RTN2: variants seen among roughly 807,000 people sequenced by gnomAD.
RTN2 encodes reticulon 2.
Under a neutral mutation model 63.7 loss-of-function variants are expected in RTN2, and 36 were observed. The observed-to-expected ratio is 0.56, with a 90% CI of 0.43 to 0.75. The LOEUF (loss-of-function observed/expected upper bound fraction) is 0.75, where lower values mean the gene tolerates loss of function less well. Ranked by LOEUF, RTN2 falls within the 30% of genes least tolerant of loss-of-function variation. RTN2 has a pLI of 0.00. For synonymous variants in RTN2, 312 were observed against 313.0 expected (o/e 1.00, Z 0.03); for missense variants, 673 against 705.1 (o/e 0.95, Z 0.52).
rs769980951 is a variant in RTN2 at position 45,494,777 on chromosome 19, G to C, written c.308C>G (p.Pro103Arg). 6.2e-7 allele frequency: 1 copy of C among 1,606,574 alleles called. No homozygotes were observed. The highest frequency in any genetic ancestry group is 1.1e-5 in the South Asian group (1 of 91,084). Residue 103 changes from proline (P) to arginine (R), a missense_variant, in exon 3 of 11, where the codon CCC becomes CGC. By Grantham distance (103) the Pro-to-Arg change is moderately radical. Coordinates refer to ENST00000245923, the MANE Select transcript of RTN2 (RefSeq NM_005619.5). This position sits in a 1 kb window ranked among gnomAD's most constrained non-coding sequence, Gnocchi z 5.3. ...GCTCTCCAAGCTGTCGCCCAGGCTG[G>C]GCTGAGGGTGCTGGTCTCGTGGTTC... is the stretch of plus-strand genomic sequence containing the variant. ...VSEPRDQHPQPSLGDSLESIP... is the reference protein window; with the variant it reads ...VSEPRDQHPQRSLGDSLESIP...
intron 10 of RTN2, 103 bp downstream of exon 10, chr19:45,485,952 G>C: frequency 7.7e-7 from 1 of 1,302,284 alleles, no homozygotes; most frequent in Non-Finnish European, 1.1e-6. Context: ...GCCTTTTCAA[G>C]GGGACATTAC....
intron 1 of RTN2, among the ~76,000 whole-genome samples, chr19:45,496,433 C>T (rs1358609927): frequency 1.3e-5 from 2 of 152,344 alleles, no homozygotes; most frequent in African/African-American, 4.8e-5. Flanking sequence ...TGTTTTCCAT[C>T]CTGGCTCTAC....
intron 9 of RTN2, among the ~76,000 whole-genome samples, chr19:45,487,268 CT>C (rs1031530350): frequency 4.6e-5 from 7 of 151,938 alleles, no homozygotes; most frequent in Admixed American, 4.6e-4. Flanking sequence ...TGGTCTTGAA[CT>C]TCTGGCCTCA....
intron 4 of RTN2, chr19:45,493,795 G>C (rs1968211678): frequency 1.4e-5 from 4 of 279,744 alleles, no homozygotes; most frequent in African/African-American, 4.6e-5. Context: ...CCAGGCTGGA[G>C]TGCAGTGGCG....
intron 10 of RTN2, 28 bp downstream of exon 10, chr19:45,486,027 C>G: frequency 6.2e-7 from 1 of 1,610,114 alleles, no homozygotes. Context: ...ACTTCCCCCT[C>G]CCATCGACCT....
At chr19:45,489,676 C>T (rs1022484300) in intron 5 of RTN2, 123 bp from the exon 6 acceptor site, 23 of 502,514 alleles carry the variant, frequency 4.6e-5, no homozygotes, top group South Asian at 7.0e-5. Context: ...ACCTGATTTC[C>T]TTTTTTTTTT....
Position 45,495,122 on chromosome 19 carries a change from C to T in RTN2, c.52G>A (p.Ala18Thr), listed in dbSNP as rs1414566002. Reference sequence around the variant, plus strand: ...TCTGTGGAATCAGGAGTTGAGGAGGCTGTAGACGGAGCTTCTTCTGCGAGA... The same window carrying T: ...TCTGTGGAATCAGGAGTTGAGGAGGTTGTAGACGGAGCTTCTTCTGCGAGA... Reference protein sequence around the residue: ...FAHCKEAPSTASSTPDSTEGG... With the variant: ...FAHCKEAPSTTSSTPDSTEGG... The change falls in exon 2 of 11, where the codon GCC becomes ACC. Residue 18 changes from alanine (A) to threonine (T), a missense_variant. Transcript: ENST00000245923. 6.2e-7 allele frequency: 1 copy of T among 1,614,044 alleles called. No individual in the cohort carries two copies. The highest frequency in any genetic ancestry group is 1.3e-5 in the African/African-American group (1 of 74,938).
At chr19:45,488,821 C>A in intron 7 of RTN2, 27 bp downstream of exon 7, 3 of 1,598,076 alleles carry the variant, frequency 1.9e-6, no homozygotes, top group Non-Finnish European at 2.6e-6. Flanking sequence ...TGGGGGAACC[C>A]AGGAGGGGCT....
rs1162281040 is a variant in RTN2, at chr19:45,493,151, C to A, written c.1033+9G>T. The A allele has an allele frequency of 1.2e-6, 2 of 1,611,260 alleles. No individual in the cohort carries two copies. The highest frequency in any genetic ancestry group is 1.7e-6 in the Non-Finnish European group (2 of 1,179,710). ...CTCAGCCCCCGTCCAGCCCGTTCCG[C>A]AAGCCCACCTTTACTCCCCATATCG... is the stretch of plus-strand genomic sequence containing the variant. On this transcript the variant is annotated intron_variant, in intron 5 of 10. Transcript: ENST00000245923.
chr19:45,490,501 C>A (rs1015892948), intron 5 of RTN2, among the ~76,000 whole-genome samples: 17 of 151,080 alleles, frequency 1.1e-4, no homozygotes, highest in Non-Finnish European at 5.9e-5. Flanking sequence ...GACAGATTCC[C>A]AGGGTGGAAT....
Position 45,485,432 on chromosome 19 carries a change from T to A in RTN2, c.*276A>T. On this transcript the variant is annotated 3_prime_UTR_variant, in exon 11 of 11. Coordinates refer to ENST00000245923, the MANE Select transcript of RTN2 (RefSeq NM_005619.5). Reference sequence around the variant, plus strand: ...GCGCCTCCAGCGGCGGGTCCGGAAGTGCAGGGTGGTGCCCTGTCTAGGCAA... The same window carrying A: ...GCGCCTCCAGCGGCGGGTCCGGAAGAGCAGGGTGGTGCCCTGTCTAGGCAA... 2.2e-6 allele frequency: 1 copy of A among 460,436 alleles called. No individual in the cohort carries two copies. The allele number at this position is 460,436 out of a possible 1,614,324, so 28.5% of individuals were successfully genotyped here. A position where few individuals can be genotyped will look rare whatever the true frequency, so the allele number is the denominator to read the frequency against.
At chr19:45,491,852 T>C (rs1029152562) in intron 5 of RTN2, among the ~76,000 whole-genome samples, 2 of 149,088 alleles carry the variant, frequency 1.3e-5, no homozygotes, top group Non-Finnish European at 3.0e-5. Flanking sequence ...CCAGGTTGAA[T>C]TCCTGGCTTC....
chr19:45,486,736 CT>C (rs1312823863), intron 9 of RTN2, among the ~76,000 whole-genome samples: 52 of 119,270 alleles, frequency 4.4e-4, no homozygotes, highest in East Asian at 1.2e-3. Flanking sequence ...TTCTTTCTTT[CT>C]TTTTTTTTTT....
chr19:45,493,806 C>T, intron 4 of RTN2: 2 of 283,314 alleles, frequency 7.1e-6, no homozygotes, highest in East Asian at 1.1e-4. Context: ...TGCAGTGGCG[C>T]GATCTTGGCT....
In RTN2 at chr19:45,485,620, G is replaced by C. The variant is rs1052244215; in HGVS notation, c.*88C>G. 8 of 1,063,386 alleles carry C rather than the reference G, an allele frequency of 7.5e-6. No individual in the cohort carries two copies. The highest frequency in any genetic ancestry group is 2.9e-4 in the Middle Eastern group (1 of 3,482). 65.9% of individuals were successfully genotyped at this position (1,063,386 alleles called of 1,614,324 possible). ...CCGGGAAAAGGCTCGGGCCGAGGAG[G>C]GGGGTGGGTGGGAACGGACAAGAGA... On this transcript the variant is annotated 3_prime_UTR_variant, in exon 11 of 11. Transcript: ENST00000245923.
rs1015869553 is a variant in RTN2, at chr19:45,494,037, G to T, written c.814+129C>A. On this transcript the variant is annotated intron_variant, in intron 4 of 10. Coordinates refer to ENST00000245923, the MANE Select transcript of RTN2 (RefSeq NM_005619.5). The surrounding 1 kb of genome is among the most constrained non-coding windows in gnomAD (Gnocchi z 5.3). ...GAGTTTATCACGTCTAGCCAGATGT[G>T]ATATCACGTCTATCTCTTCCCTTTT... 2 of 1,381,498 alleles carry T rather than the reference G, an allele frequency of 1.4e-6. No homozygotes were observed. Among genetic ancestry groups the T allele is most frequent in the Non-Finnish European group, 9.8e-7 (1 of 1,021,930 alleles). 85.6% of individuals were successfully genotyped at this position (1,381,498 alleles called of 1,614,324 possible).
chr19:45,488,566 GT>G (rs1206354608), intron 8 of RTN2, 49 bp from the exon 9 acceptor site: 1 of 1,613,138 alleles, frequency 6.2e-7, no homozygotes. Flanking sequence ...GAGATGAACA[GT>G]TCCATCTGGA....
Position 45,485,617 on chromosome 19 carries a change from G to A in RTN2, c.*91C>T, listed in dbSNP as rs1968001522. On this transcript the variant is annotated 3_prime_UTR_variant, in exon 11 of 11. Transcript: ENST00000245923. ...CCACCGGGAAAAGGCTCGGGCCGAG[G>A]AGGGGGGTGGGTGGGAACGGACAAG... is the stretch of plus-strand genomic sequence containing the variant. 1.9e-5 allele frequency: 20 copies of A among 1,047,146 alleles called. No individual in the cohort carries two copies. The highest frequency in any genetic ancestry group is 2.9e-5 in the Non-Finnish European group (20 of 681,984). The allele number at this position is 1,047,146 out of a possible 1,614,324, so 64.9% of individuals were successfully genotyped here. A position where few individuals can be genotyped will look rare whatever the true frequency, so the allele number is the denominator to read the frequency against.
chr19:45,486,262 C>A, intron 9 of RTN2, 149 bp from the exon 10 acceptor site: 1 of 663,202 alleles, frequency 1.5e-6, no homozygotes, highest in Admixed American at 2.4e-5. Context: ...TCATAGAATA[C>A]ATTAGATGCC....
Sources: allele counts gnomAD v4.1 joint callset (sites outside exome capture counted in the v4.1 genomes callset), GRCh38; gene constraint gnomAD v4.1.1; non-coding constraint Gnocchi (gnomAD v3.1); transcripts MANE v1.5; gene names NCBI Gene and HGNC (gene_info 2026-07-23, HGNC 2026-07-21).